RBFOX1: variants seen among roughly 807,000 people sequenced by gnomAD.
RBFOX1 encodes RNA binding fox-1 homolog 1, also known as RNA binding protein fox-1 homolog 1.
RBFOX1 carries 8 observed loss-of-function variants against 57.7 expected under a neutral mutation model. The observed-to-expected ratio is 0.14, with a 90% CI of 0.08 to 0.25. RBFOX1 has a LOEUF of 0.25. RBFOX1 is among the 10% of genes least tolerant of loss of function. The pLI is 1.00. For synonymous variants in RBFOX1, 326 were observed against 222.4 expected (o/e 1.47, Z -4.15); for missense variants, 611 against 548.5 (o/e 1.11, Z -1.14).
At chr16:5,940,429 CTG>C (rs2059256149) in intron 4 of RBFOX1, among the ~76,000 whole-genome samples, 1 of 152,158 alleles carries the variant, frequency 6.6e-6, no homozygotes. Flanking sequence ...AATCTAGGCA[CTG>C]AGAATTGGAG....
In RBFOX1 at chr16:5,911,810, G is replaced by C. The variant is rs2058608430; in HGVS notation, c.351+44475G>C. On this transcript the variant is annotated intron_variant, in intron 4 of 19. Transcript: ENST00000641259. Reference sequence around the variant, plus strand: ...TGGGAGGGGAAGGGGAGCTCTCTAGGACTTCTTTTATAAGGCCACTCATCT... The same window carrying C: ...TGGGAGGGGAAGGGGAGCTCTCTAGCACTTCTTTTATAAGGCCACTCATCT... Among the ~76,000 whole-genome samples the C allele has an allele frequency of 2.0e-5, 3 of 152,200 alleles. 1 individual carries two copies. The South Asian group carries it at 6.2e-4, about 32-fold the overall frequency.
In RBFOX1 at chr16:5,489,180, A is replaced by G. The variant is rs149298671; in HGVS notation, c.258+21926A>G. 2.1e-3 allele frequency among the ~76,000 whole-genome samples: 327 copies of G among 152,318 alleles called. 1 individual carries two copies. The highest frequency in any genetic ancestry group is 7.2e-3 in the African/African-American group (298 of 41,574). On this transcript the variant is annotated intron_variant, in intron 2 of 2. Coordinates refer to the RBFOX1 transcript ENST00000585867. ...GTTGGGGTATTTCTGCATGATAGGAATTCCTAGGCGCAGTTGGCTTTTTAC... is the reference window on the plus strand; with the variant it reads ...GTTGGGGTATTTCTGCATGATAGGAGTTCCTAGGCGCAGTTGGCTTTTTAC...
At chr16:5,751,378 C>T (rs866231813) in intron 3 of RBFOX1, among the ~76,000 whole-genome samples, 2 of 152,184 alleles carry the variant, frequency 1.3e-5, no homozygotes, top group African/African-American at 4.8e-5. Context: ...AGCTTTCATA[C>T]TGATTACGTC....
chr16:7,275,453 A>C (rs1426085568), intron 4 of RBFOX1, among the ~76,000 whole-genome samples: 1 of 152,332 alleles, frequency 6.6e-6, no homozygotes, highest in East Asian at 1.9e-4. Context: ...AACATAAGTA[A>C]GTAGGGTGTG....
At chr16:6,603,251 A>C (rs1601215944) in intron 2 of RBFOX1, among the ~76,000 whole-genome samples, 2 of 152,316 alleles carry the variant, frequency 1.3e-5, no homozygotes, top group South Asian at 4.1e-4. Context: ...AGTCATCTAA[A>C]GGAGAGACTG....
At chr16:6,764,515 C>A (rs2077057902) in intron 3 of RBFOX1, among the ~76,000 whole-genome samples, 1 of 152,164 alleles carries the variant, frequency 6.6e-6, no homozygotes, top group Admixed American at 6.5e-5. Context: ...TATTGAATGT[C>A]CACTCAATGT....
rs533950316 is a variant in RBFOX1, at chr16:7,060,243, C to G, written c.27+8145C>G. ...CCATAGATAAAATGAATGATTGAGG[C>G]TATGTCTCAATAAAACTTTATTTAC... On this transcript the variant is annotated intron_variant, in intron 4 of 15. Transcript: ENST00000550418. 2.6e-5 allele frequency among the ~76,000 whole-genome samples: 4 copies of G among 152,266 alleles called. No individual in the cohort carries two copies. The South Asian group carries it at 8.3e-4, about 32-fold the overall frequency.
intron 4 of RBFOX1, among the ~76,000 whole-genome samples, chr16:7,398,256 T>C (rs937918492): frequency 2.0e-5 from 3 of 152,088 alleles, no homozygotes; most frequent in Non-Finnish European, 4.4e-5. Context: ...GAGCATAGGG[T>C]TGAATCTTAT....
intron 3 of RBFOX1, among the ~76,000 whole-genome samples, chr16:6,767,396 A>G (rs192655066): frequency 4.2e-4 from 64 of 152,336 alleles, no homozygotes; most frequent in Admixed American, 9.2e-4. Context: ...CCACAGGGCT[A>G]GGACTGAGTT....
rs2063800422 is a variant in RBFOX1 at position 5,301,444 on chromosome 16, C to T, written c.219+61339C>T. ...ACCATCCTGGCTAACACGGTGAAAC[C>T]CCATCTCTACTAAAAACACAAAAAA... On this transcript the variant is annotated intron_variant, in intron 1 of 2. Coordinates refer to the RBFOX1 transcript ENST00000585867. Among the ~76,000 whole-genome samples, 4 of 151,942 alleles carry T rather than the reference C, an allele frequency of 2.6e-5. No homozygotes were observed. The South Asian group carries it at 8.3e-4, about 32-fold the overall frequency.
intron 10 of RBFOX1, among the ~76,000 whole-genome samples, chr16:7,627,156 C>A (rs1596788150): frequency 7.3e-5 from 9 of 123,028 alleles, no homozygotes; most frequent in South Asian, 5.2e-4. Flanking sequence ...AGTTGAACCA[C>A]ATGAACTTGG....
intron 3 of RBFOX1, among the ~76,000 whole-genome samples, chr16:6,791,857 A>G (rs558745658): frequency 6.6e-6 from 1 of 152,298 alleles, no homozygotes; most frequent in South Asian, 2.1e-4. Flanking sequence ...CAATACTTTT[A>G]TATATTAAGT....
intron 3 of RBFOX1, among the ~76,000 whole-genome samples, chr16:5,717,970 T>C (rs1221619759): frequency 1.3e-5 from 2 of 152,078 alleles, no homozygotes; most frequent in African/African-American, 4.8e-5. Flanking sequence ...TTCACTCTTC[T>C]GGACAATGTT....
At chr16:5,455,011 CT>C (rs1237045742) in intron 1 of RBFOX1, among the ~76,000 whole-genome samples, 3 of 111,378 alleles carry the variant, frequency 2.7e-5, no homozygotes, top group Admixed American at 1.0e-4. Context: ...TTCTTTCTTT[CT>C]TTCTTTCTTT....
chr16:7,583,005 T>A (rs1375531837), intron 6 of RBFOX1, among the ~76,000 whole-genome samples: 1 of 151,868 alleles, frequency 6.6e-6, no homozygotes, highest in Non-Finnish European at 1.5e-5. Context: ...TGCAGATGAC[T>A]CATTTTATTT....
intron 2 of RBFOX1, among the ~76,000 whole-genome samples, chr16:6,651,447 GC>G (rs1395871393): frequency 6.6e-6 from 1 of 152,068 alleles, no homozygotes; most frequent in East Asian, 1.9e-4. Flanking sequence ...TCCTGTGGTA[GC>G]CCCCAAATTT....
chr16:7,333,041 G>T (rs778728291), intron 4 of RBFOX1: 1 of 1,613,812 alleles, frequency 6.2e-7, no homozygotes, highest in South Asian at 1.1e-5. Flanking sequence ...TCCTTATGGC[G>T]TGCCTATGAT....
At chr16:7,249,690 T>C (rs2094439042) in intron 4 of RBFOX1, among the ~76,000 whole-genome samples, 1 of 152,162 alleles carries the variant, frequency 6.6e-6, no homozygotes, top group African/African-American at 2.4e-5. Context: ...GTATTTTTTA[T>C]TTTTGGCACA....
chr16:6,667,053 G>T (rs932696492), intron 3 of RBFOX1, among the ~76,000 whole-genome samples: 1 of 152,180 alleles, frequency 6.6e-6, no homozygotes, highest in Non-Finnish European at 1.5e-5. Flanking sequence ...CGTTGAAAAT[G>T]AGATGTTAGT....
Sources: gnomAD v4.1 joint callset for allele counts (sites outside exome capture counted in the v4.1 genomes callset) on GRCh38, gnomAD v4.1.1 for gene constraint, MANE v1.5 for transcripts, NCBI Gene and HGNC (gene_info 2026-07-23, HGNC 2026-07-21) for gene names.